Variants in TNRC6B observed in about 807,000 individuals in gnomAD.
The protein encoded by TNRC6B is trinucleotide repeat-containing gene 6B protein.
A neutral mutation model predicts 203.6 loss-of-function variants in TNRC6B; 52 were observed. That is an observed-to-expected ratio of 0.26 (90% CI 0.20 to 0.32). The LOEUF is 0.32. Among genes scored for constraint, TNRC6B ranks in the 10% least tolerant of loss-of-function variants. TNRC6B has a pLI of 1.00. For synonymous variants in TNRC6B, 838 were observed against 845.7 expected, an observed-to-expected ratio of 0.99 and a Z score of 0.16; for missense variants, 1,923 against 2,286.2, an observed-to-expected ratio of 0.84 and a Z score of 3.24.
intron 19 of TNRC6B, among the ~76,000 whole-genome samples, chr22:40,314,003 A>G (rs1003905867): frequency 1.3e-5 from 2 of 152,090 alleles, no homozygotes; most frequent in Admixed American, 1.3e-4. Context: ...ACCACCCTAC[A>G]TTACACTTTT....
chr22:40,278,014 A>C lies in TNRC6B; in HGVS notation c.3232A>C (p.Asn1078His), dbSNP rs1171749767. The C allele has an allele frequency of 1.5e-5, 24 of 1,562,148 alleles. No homozygotes were observed. Among genetic ancestry groups the C allele is most frequent in the East Asian group, 2.3e-5 (1 of 42,868 alleles). ...TATTTTCCAGAGTCAGACTGAAGAT[A>C]ATCCAAGCAGCAAAATGGATTTGTC... ...NMGLLSQTEDNPSSKMDLSVG... is the reference protein window; with the variant it reads ...NMGLLSQTEDHPSSKMDLSVG... The change falls in exon 9 of 23, where the codon AAT becomes CAT. Residue 1078 changes from asparagine (N) to histidine (H), a missense_variant. Transcript: ENST00000454349.
intron 1 of TNRC6B, among the ~76,000 whole-genome samples, chr22:40,054,230 C>G (rs542456332): frequency 6.6e-6 from 1 of 152,278 alleles, no homozygotes; most frequent in South Asian, 2.1e-4. Flanking sequence ...ACAAAACTGT[C>G]AGTGAGGCCT....
upstream of TNRC6B, among the ~76,000 whole-genome samples, chr22:40,174,047 GCT>G (rs908009619): frequency 4.0e-5 from 6 of 150,186 alleles, no homozygotes; most frequent in African/African-American, 1.5e-4. Context: ...GATCTGCCTG[GCT>G]CAGTCTCCCA....
intron 1 of TNRC6B, among the ~76,000 whole-genome samples, chr22:40,080,390 G>C (rs2068055107): frequency 6.6e-6 from 1 of 152,030 alleles, no homozygotes; most frequent in Admixed American, 6.6e-5. Context: ...CATTCTGTTT[G>C]ATTATAGATT....
At chr22:40,228,208 G>A (rs1184370789) in intron 1 of TNRC6B, among the ~76,000 whole-genome samples, 2 of 151,876 alleles carry the variant, frequency 1.3e-5, no homozygotes, top group South Asian at 2.1e-4. Context: ...CAGGCGGATC[G>A]CCTGATGTTA....
At chr22:40,254,305 C>T (rs1238225917) in intron 3 of TNRC6B, among the ~76,000 whole-genome samples, 1 of 152,100 alleles carries the variant, frequency 6.6e-6, no homozygotes, top group Non-Finnish European at 1.5e-5. Context: ...TTAAAAAGCC[C>T]AATTGCGTAG....
chr22:40,057,936 A>G (rs192646189), intron 1 of TNRC6B, among the ~76,000 whole-genome samples: 1 of 152,364 alleles, frequency 6.6e-6, no homozygotes, highest in African/African-American at 2.4e-5. Flanking sequence ...TAGATGTACC[A>G]TGGACAACAG....
chr22:40,153,449 A>G (rs1601845167), intron 3 of TNRC6B, among the ~76,000 whole-genome samples: 1 of 152,130 alleles, frequency 6.6e-6, no homozygotes, highest in Admixed American at 6.5e-5. Context: ...TGAAACTGAT[A>G]GATTACCTGA....
At chr22:40,089,043 T>G (rs1601808602) in intron 1 of TNRC6B, among the ~76,000 whole-genome samples, 1 of 152,264 alleles carries the variant, frequency 6.6e-6, no homozygotes, top group Middle Eastern at 3.4e-3. Flanking sequence ...AACATACCAG[T>G]GATCTTGTTA....
intron 1 of TNRC6B, among the ~76,000 whole-genome samples, chr22:40,220,175 T>C (rs941663700): frequency 2.0e-5 from 3 of 152,160 alleles, no homozygotes; most frequent in East Asian, 1.9e-4. Flanking sequence ...CTTCCCGAGC[T>C]CTGAATCTAT....
At chr22:40,241,222 C>G (rs2070024168) in intron 1 of TNRC6B, among the ~76,000 whole-genome samples, 1 of 152,174 alleles carries the variant, frequency 6.6e-6, no homozygotes, top group African/African-American at 2.4e-5. Flanking sequence ...GAATTAACTG[C>G]TGATCCAATG....
At chr22:40,226,271 C>T (rs2069784188) in intron 1 of TNRC6B, among the ~76,000 whole-genome samples, 1 of 152,228 alleles carries the variant, frequency 6.6e-6, no homozygotes, top group East Asian at 1.9e-4. Context: ...AAGTAGGGTA[C>T]GACTGTCACC....
At chr22:40,070,589 A>G (rs1335321911) in intron 1 of TNRC6B, among the ~76,000 whole-genome samples, 1 of 152,192 alleles carries the variant, frequency 6.6e-6, no homozygotes, top group Non-Finnish European at 1.5e-5. Context: ...TTATATCTTT[A>G]TAGATATTCA....
rs191219897 is a variant in TNRC6B at position 40,196,358 on chromosome 22, G to A, written c.5+18218G>A. On this transcript the variant is annotated intron_variant, in intron 1 of 22. Coordinates refer to ENST00000454349, the MANE Select transcript of TNRC6B (RefSeq NM_001162501.2). ...GGCTTTCTAATGGATTTTTAATAAT[G>A]TGATCTTCTTCTATCACATGTTAAA... Among the ~76,000 whole-genome samples the A allele has an allele frequency of 8.8e-4, 133 of 151,420 alleles. 1 individual carries two copies. The highest frequency in any genetic ancestry group is 1.6e-3 in the Non-Finnish European group (110 of 67,542).
intron 1 of TNRC6B, among the ~76,000 whole-genome samples, chr22:40,055,594 G>A (rs186366390): frequency 9.7e-4 from 148 of 152,300 alleles, no homozygotes; most frequent in African/African-American, 3.4e-3. Context: ...ATTCATAAAG[G>A]CATAGAGTAC....
chr22:40,235,015 C>G (rs1474984192), intron 1 of TNRC6B, among the ~76,000 whole-genome samples: 6 of 152,198 alleles, frequency 3.9e-5, no homozygotes, highest in Non-Finnish European at 7.3e-5. Context: ...ACTTTGAGCA[C>G]TTGGCTTAAC....
intron 3 of TNRC6B, among the ~76,000 whole-genome samples, chr22:40,145,824 G>T (rs2068690017): frequency 6.9e-6 from 1 of 144,330 alleles, no homozygotes; most frequent in South Asian, 2.2e-4. Flanking sequence ...CCTGGTGACA[G>T]AGCGAGACTT....
chr22:40,267,159 C>T lies in TNRC6B; in HGVS notation c.2806+123C>T, dbSNP rs940865500. 5 of 1,004,064 alleles carry T rather than the reference C, an allele frequency of 5.0e-6. No homozygotes were observed. In the African/African-American group the frequency reaches 8.3e-5, roughly 17 times the overall value. The allele number at this position is 1,004,064 out of a possible 1,614,324, so 62.2% of individuals were successfully genotyped here. ...GAGATGCTTTCCTACAGTTTCTACTCTGTTGCTAACAGAACCTCTTTTTAT... is the reference window on the plus strand; with the variant it reads ...GAGATGCTTTCCTACAGTTTCTACTTTGTTGCTAACAGAACCTCTTTTTAT... On this transcript the variant is annotated intron_variant, in intron 5 of 22. Coordinates refer to ENST00000454349, the MANE Select transcript of TNRC6B (RefSeq NM_001162501.2).
intron 7 of TNRC6B, 79 bp downstream of exon 7, chr22:40,273,679 T>G: frequency 7.0e-7 from 1 of 1,436,142 alleles, no homozygotes; most frequent in Non-Finnish European, 9.2e-7. Flanking sequence ...TTTGTTTTTG[T>G]TTTGAGACAA....
Sources: gnomAD v4.1 joint callset for allele counts (sites outside exome capture counted in the v4.1 genomes callset) on GRCh38, gnomAD v4.1.1 for gene constraint, MANE v1.5 for transcripts, NCBI Gene and HGNC (gene_info 2026-07-23, HGNC 2026-07-21) for gene names.